The following EML6 variants were observed in gnomAD, a reference collection of about 807,000 sequenced individuals.
EML6 encodes the protein EMAP like 6, also known as echinoderm microtubule-associated protein-like 6.
A neutral mutation model predicts 240.1 loss-of-function variants in EML6; 154 were observed. The observed-to-expected ratio is 0.64, with a 90% CI of 0.56 to 0.73. EML6 has a LOEUF of 0.73. Among genes scored for constraint, EML6 ranks in the 30% least tolerant of loss-of-function variants. The probability of loss-of-function intolerance (pLI) is 0.00; values close to 1 mark genes in which losing one functional copy is unlikely to be tolerated. For missense variants in EML6, 2,964 were observed against 2,474.6 expected (o/e 1.20, Z -4.20); for synonymous variants, 1,148 against 899.0 (o/e 1.28, Z -4.95).
intron 28 of EML6, among the ~76,000 whole-genome samples, chr2:54,936,966 CTCTTTT>C (rs1444771446): frequency 9.5e-6 from 1 of 105,474 alleles, no homozygotes; most frequent in Non-Finnish European, 1.8e-5. Flanking sequence ...GGTCATGTCT[CTCTTTT>C]TTTTTTTTTT....
chr2:54,891,100 G>A lies in EML6; in HGVS notation c.2485G>A (p.Val829Ile), dbSNP rs1018590086. ...TGTGGTAAAGTGTAACCCACACCAT[G>A]TTGACAAACTGGTTACAGTTGGGAT... ...IFVVKCNPHHVDKLVTVGIKH... is the reference protein window; with the variant it reads ...IFVVKCNPHHIDKLVTVGIKH... Residue 829 changes from valine to isoleucine, a missense_variant, in exon 18 of 42, where the codon GTT becomes ATT. Coordinates refer to ENST00000356458, the MANE Select transcript of EML6 (RefSeq NM_001039753.4). 6.6e-7 allele frequency: 1 copy of A among 1,511,436 alleles called. No homozygotes were observed. The highest frequency in any genetic ancestry group is 1.4e-5 in the African/African-American group (1 of 72,740). 93.6% of individuals were successfully genotyped at this position (1,511,436 alleles called of 1,614,324 possible).
At chr2:54,884,658 G>A (rs1000317186) in intron 17 of EML6, among the ~76,000 whole-genome samples, 19 of 152,162 alleles carry the variant, frequency 1.2e-4, no homozygotes, top group African/African-American at 4.1e-4. Flanking sequence ...GACCACATAT[G>A]TATTTTGTAA....
chr2:54,928,453 G>T lies in EML6; in HGVS notation c.3816G>T (p.Gly1272=). 1.3e-6 allele frequency: 2 copies of T among 1,550,470 alleles called. No homozygotes were observed. Among genetic ancestry groups the T allele is most frequent in the Non-Finnish European group, 1.7e-6 (2 of 1,146,166 alleles). ...ALMIWTREFV[G]TQESKLVDSE... The stretch of plus-strand genomic sequence containing the variant: ...TGATCTGGACCAGGGAGTTTGTGGG[G>T]ACCCAGGAGAGCAAGCTGGTGGACA... The change falls in exon 27 of 42, where the codon GGG becomes GGT. Residue 1272 remains glycine (G), a synonymous_variant. Transcript: ENST00000356458.
rs751554402 is a variant in EML6, at chr2:54,903,039, T to C, written c.3125-5T>C. On this transcript the variant is annotated splice_region_variant and splice_polypyrimidine_tract_variant and intron_variant, in intron 22 of 41. Coordinates refer to ENST00000356458, the MANE Select transcript of EML6 (RefSeq NM_001039753.4). The stretch of plus-strand genomic sequence containing the variant: ...AATAAGTGTTTTTTGTGGATTCTTC[T>C]GTAGGTGGAAGATGCTGTGCCTTTT... The C allele has an allele frequency of 2.6e-5, 41 of 1,549,302 alleles. No individual in the cohort carries two copies. Among genetic ancestry groups the C allele is most frequent in the Admixed American group, 7.9e-5 (4 of 50,418 alleles).
At chr2:54,925,054 C>T (rs906432862) in intron 26 of EML6, among the ~76,000 whole-genome samples, 1 of 152,136 alleles carries the variant, frequency 6.6e-6, no homozygotes, top group Non-Finnish European at 1.5e-5. Flanking sequence ...CCCTAACTCC[C>T]AATGGGACTG....
At chr2:54,968,425 T>A in intron 40 of EML6, 144 bp downstream of exon 40, 1 of 850,552 alleles carries the variant, frequency 1.2e-6, no homozygotes, top group Non-Finnish European at 1.8e-6. Flanking sequence ...GTTTTTCACC[T>A]CCTGGAGGGG....
At chr2:54,850,659 C>T (rs1232496730) in intron 10 of EML6, among the ~76,000 whole-genome samples, 1 of 151,954 alleles carries the variant, frequency 6.6e-6, no homozygotes. Context: ...ATTAAAACAA[C>T]AGTAAAGTAC....
chr2:54,930,876 C>T (rs913023303), intron 28 of EML6, among the ~76,000 whole-genome samples: 2 of 150,936 alleles, frequency 1.3e-5, no homozygotes, highest in African/African-American at 4.9e-5. Context: ...CAATCAGAGC[C>T]AAGAACAAGC....
chr2:54,960,916 C>T (rs546708333), intron 35 of EML6, among the ~76,000 whole-genome samples: 1 of 152,076 alleles, frequency 6.6e-6, no homozygotes, highest in Non-Finnish European at 1.5e-5. Context: ...CTTCTATTTC[C>T]TTCTATTTAA....
intron 36 of EML6, among the ~76,000 whole-genome samples, chr2:54,963,743 C>G (rs1224686766): frequency 6.6e-6 from 1 of 152,214 alleles, no homozygotes; most frequent in Non-Finnish European, 1.5e-5. Flanking sequence ...TGGGTGCTAC[C>G]TAATCATTTA....
intron 28 of EML6, among the ~76,000 whole-genome samples, chr2:54,931,598 G>A (rs963469227): frequency 2.0e-5 from 3 of 152,162 alleles, no homozygotes; most frequent in Admixed American, 1.3e-4. Flanking sequence ...TGAGAGGCAG[G>A]GGTTTTCCTT....
chr2:54,832,332 T>C (rs1668913381), intron 7 of EML6, among the ~76,000 whole-genome samples: 1 of 152,196 alleles, frequency 6.6e-6, no homozygotes, highest in African/African-American at 2.4e-5. Flanking sequence ...GTGCCATTAT[T>C]GCACTGAAGC....
intron 2 of EML6, among the ~76,000 whole-genome samples, chr2:54,809,379 A>T (rs76628097): frequency 0.033 from 4,968 of 152,246 alleles, 113 homozygotes; most frequent in Admixed American, 0.079. Context: ...GACTTGCGCT[A>T]TGGGAGGACA....
intron 26 of EML6, among the ~76,000 whole-genome samples, chr2:54,927,125 A>G (rs1185629717): frequency 1.3e-5 from 2 of 152,164 alleles, no homozygotes; most frequent in Admixed American, 6.5e-5. Context: ...CCTATTTGCT[A>G]GCAAACTAAT....
At chr2:54,933,921 A>G (rs1251472002) in intron 28 of EML6, among the ~76,000 whole-genome samples, 2 of 152,144 alleles carry the variant, frequency 1.3e-5, no homozygotes, top group African/African-American at 4.8e-5. Flanking sequence ...GTGGCTAATG[A>G]TAATATTAAC....
Position 54,965,511 on chromosome 2 carries a change from C to G in EML6, c.5493+778C>G, listed in dbSNP as rs557412501. On this transcript the variant is annotated intron_variant, in intron 38 of 41. Transcript: ENST00000356458. ...ACGCAGAGCTGGCTGTGCGGGAGAC[C>G]GGAGTTTTATTATTACTCAAATTGG... Among the ~76,000 whole-genome samples the G allele has an allele frequency of 8.5e-5, 13 of 152,232 alleles. No homozygotes were observed. In the South Asian group the frequency reaches 2.7e-3, roughly 32 times the overall value.
Position 54,895,261 on chromosome 2 carries a change from C to A in EML6, c.2855-12C>A. On this transcript the variant is annotated splice_polypyrimidine_tract_variant and intron_variant, in intron 20 of 41. Coordinates refer to ENST00000356458, the MANE Select transcript of EML6 (RefSeq NM_001039753.4). ...TTTGTTATTGTGTTAAATATACCAT[C>A]CCCTTCCCCAGGCTTGCTTTTGGAA... 6.4e-7 allele frequency: 1 copy of A among 1,551,264 alleles called. No individual in the cohort carries two copies. Among genetic ancestry groups the A allele is most frequent in the Non-Finnish European group, 8.7e-7 (1 of 1,146,668 alleles).
At chr2:54,908,417 G>A (rs1295364294) in intron 24 of EML6, among the ~76,000 whole-genome samples, 2 of 152,034 alleles carry the variant, frequency 1.3e-5, no homozygotes, top group Non-Finnish European at 2.9e-5. Context: ...GTTTCACCAT[G>A]TTGCCCAGGC....
chr2:54,806,411 G>A (rs900533941), intron 2 of EML6, among the ~76,000 whole-genome samples: 10 of 151,766 alleles, frequency 6.6e-5, no homozygotes, highest in Non-Finnish European at 1.0e-4. Context: ...TCAGATATTC[G>A]AGACCAGCCT....
Sources: gnomAD v4.1 joint callset for allele counts (sites outside exome capture counted in the v4.1 genomes callset) on GRCh38, gnomAD v4.1.1 for gene constraint, MANE v1.5 for transcripts, NCBI Gene and HGNC (gene_info 2026-07-23, HGNC 2026-07-21) for gene names.